PTPRM: variants seen among roughly 807,000 people sequenced by gnomAD.
The protein encoded by PTPRM is protein tyrosine phosphatase receptor type M.
In PTPRM, 47 loss-of-function variants were observed where a neutral mutation model predicts 186.7. The ratio of observed to expected loss-of-function variants is 0.25; its 90% confidence interval spans 0.20 to 0.32. The LOEUF (loss-of-function observed/expected upper bound fraction) is 0.32, where lower values mean the gene tolerates loss of function less well. Among genes scored for constraint, PTPRM ranks in the 10% least tolerant of loss-of-function variants. PTPRM has a pLI of 1.00. For missense variants in PTPRM, 1,494 were observed against 1,865.0 expected, an observed-to-expected ratio of 0.80 and a Z score of 3.66; for synonymous variants, 668 against 674.9, an observed-to-expected ratio of 0.99 and a Z score of 0.16.
intron 2 of PTPRM, among the ~76,000 whole-genome samples, chr18:7,793,465 CTTTCTCTTATGT>C (rs1233533569): frequency 8.6e-5 from 13 of 151,490 alleles, no homozygotes; most frequent in African/African-American, 3.2e-4. Context: ...ATGAGGAGCA[CTTTCTCTTATGT>C]TTTCTCTTAA....
At chr18:7,915,469 A>G (rs1599477799) in intron 4 of PTPRM, among the ~76,000 whole-genome samples, 2 of 135,676 alleles carry the variant, frequency 1.5e-5, no homozygotes, top group East Asian at 2.2e-4. Context: ...ACAGCTCAGC[A>G]TGGGATCTAC....
chr18:8,159,327 T>C (rs1009049969), intron 14 of PTPRM, among the ~76,000 whole-genome samples: 5 of 152,322 alleles, frequency 3.3e-5, no homozygotes, highest in South Asian at 2.1e-4. Flanking sequence ...TGGAAGATGT[T>C]CTTATCATTG....
chr18:7,813,036 G>A (rs1295298356), intron 2 of PTPRM, among the ~76,000 whole-genome samples: 1 of 152,246 alleles, frequency 6.6e-6, no homozygotes, highest in African/African-American at 2.4e-5. Context: ...ACATCATGCT[G>A]ACGAATTACC....
intron 1 of PTPRM, among the ~76,000 whole-genome samples, chr18:7,646,645 C>G (rs2038571203): frequency 1.3e-5 from 2 of 152,152 alleles, no homozygotes; most frequent in Non-Finnish European, 2.9e-5. Context: ...TGCTCCAGAG[C>G]CTTCCTCTGC....
intron 15 of PTPRM, among the ~76,000 whole-genome samples, chr18:8,245,541 A>G (rs1275240574): frequency 6.6e-6 from 1 of 152,062 alleles, no homozygotes; most frequent in Non-Finnish European, 1.5e-5. Flanking sequence ...GGCAGATATA[A>G]TGTTTTTCAT....
chr18:8,141,102 A>G (rs1488093356), intron 13 of PTPRM, among the ~76,000 whole-genome samples: 2 of 152,256 alleles, frequency 1.3e-5, no homozygotes, highest in East Asian at 1.9e-4. Context: ...GAGCCTAAAG[A>G]TGTTCATTTC....
intron 13 of PTPRM, among the ~76,000 whole-genome samples, chr18:8,116,021 T>A (rs1334895184): frequency 6.6e-6 from 1 of 152,250 alleles, no homozygotes; most frequent in Non-Finnish European, 1.5e-5. Context: ...TATATCATAT[T>A]GTACCTAAGT....
chr18:8,332,923 A>G (rs770103549), intron 22 of PTPRM, among the ~76,000 whole-genome samples: 2 of 152,214 alleles, frequency 1.3e-5, no homozygotes, highest in Admixed American at 1.3e-4. Flanking sequence ...ATTCCAGTGG[A>G]CCAGTGAACA....
At chr18:7,657,068 A>C (rs1399338003) in intron 1 of PTPRM, among the ~76,000 whole-genome samples, 1 of 152,200 alleles carries the variant, frequency 6.6e-6, no homozygotes, top group East Asian at 1.9e-4. Flanking sequence ...TAAAATTTGG[A>C]TTCTCAGTTT....
At chr18:7,719,906 A>G in intron 1 of PTPRM, among the ~76,000 whole-genome samples, 1 of 152,246 alleles carries the variant, frequency 6.6e-6, no homozygotes, top group Non-Finnish European at 1.5e-5. Flanking sequence ...ATTAACATAC[A>G]AAAGTCAAAA....
intron 7 of PTPRM, among the ~76,000 whole-genome samples, chr18:8,047,362 T>C (rs1158663621): frequency 6.6e-6 from 1 of 152,202 alleles, no homozygotes; most frequent in Admixed American, 6.5e-5. Context: ...AAACTGTGAT[T>C]CATTTTTATA....
At position 7,568,550 on chromosome 18, in the gene PTPRM, C is replaced by A. The variant is rs1401404960; in HGVS notation, c.73+659C>A. 6.6e-6 allele frequency among the ~76,000 whole-genome samples: 1 copy of A among 152,142 alleles called. No homozygotes were observed. The highest frequency in any genetic ancestry group is 2.4e-5 in the African/African-American group (1 of 41,454). On this transcript the variant is annotated intron_variant, in intron 1 of 32. Coordinates refer to ENST00000580170, the MANE Select transcript of PTPRM (RefSeq NM_001105244.2). This position sits in a 1 kb window ranked among gnomAD's most constrained non-coding sequence, Gnocchi z 5.1. ...CGGCCGCGGAGGGAAGCGGGCAGGT[C>A]CCCAGGCCCTGGCCACGGCCCTGCG...
chr18:7,615,858 G>A (rs563558977), intron 1 of PTPRM, among the ~76,000 whole-genome samples: 2 of 152,156 alleles, frequency 1.3e-5, no homozygotes, highest in South Asian at 2.1e-4. Context: ...GCAACTAGAC[G>A]GTCCCATCTT....
In PTPRM at chr18:8,366,382, A is replaced by G. The variant is rs542740304; in HGVS notation, c.3055-4508A>G. On this transcript the variant is annotated intron_variant, in intron 23 of 32. Coordinates refer to ENST00000580170, the MANE Select transcript of PTPRM (RefSeq NM_001105244.2). The stretch of plus-strand genomic sequence containing the variant: ...GCACATTTTCAGGCCCCACAAAGTC[A>G]GACCTACCGAATTTATTCAGAATCC... Among the ~76,000 whole-genome samples the G allele has an allele frequency of 1.6e-4, 24 of 152,314 alleles. No individual in the cohort carries two copies. The South Asian group carries it at 5.0e-3, about 32-fold the overall frequency.
chr18:8,244,625 G>A lies in PTPRM; in HGVS notation c.2452+416G>A, dbSNP rs991624123. Among the ~76,000 whole-genome samples the A allele has an allele frequency of 7.9e-5, 12 of 152,326 alleles. No homozygotes were observed. The East Asian group carries it at 1.7e-3, about 22-fold the overall frequency. On this transcript the variant is annotated intron_variant, in intron 15 of 32. Coordinates refer to ENST00000580170, the MANE Select transcript of PTPRM (RefSeq NM_001105244.2). Reference sequence around the variant, plus strand: ...AACAAGTTAATTGTTTATTTGTTTAGATGACAGGTTCTGCCTTTATTATAG... The same window carrying A: ...AACAAGTTAATTGTTTATTTGTTTAAATGACAGGTTCTGCCTTTATTATAG...
intron 14 of PTPRM, among the ~76,000 whole-genome samples, chr18:8,210,818 A>C (rs1439035871): frequency 6.6e-6 from 1 of 152,212 alleles, no homozygotes; most frequent in Non-Finnish European, 1.5e-5. Context: ...TTGAGGAGGA[A>C]CTAGCAAAGC....
intron 1 of PTPRM, among the ~76,000 whole-genome samples, chr18:7,707,024 C>A (rs558874115): frequency 1.8e-4 from 27 of 152,018 alleles, no homozygotes; most frequent in African/African-American, 5.1e-4. Flanking sequence ...TTAAGGCAGT[C>A]ATTTTTAGAA....
intron 7 of PTPRM, among the ~76,000 whole-genome samples, chr18:8,022,837 TTAAG>T (rs1331650413): frequency 6.6e-6 from 1 of 152,216 alleles, no homozygotes; most frequent in African/African-American, 2.4e-5. Flanking sequence ...TGGGCAGTGA[TTAAG>T]TGCTATGGAT....
At chr18:8,140,824 G>A (rs534621535) in intron 13 of PTPRM, among the ~76,000 whole-genome samples, 10 of 151,926 alleles carry the variant, frequency 6.6e-5, no homozygotes, top group African/African-American at 2.2e-4. Context: ...AAATTTATAC[G>A]AAAAAAAGGA....
Sources: allele counts gnomAD v4.1 joint callset (sites outside exome capture counted in the v4.1 genomes callset), GRCh38; gene constraint gnomAD v4.1.1; non-coding constraint Gnocchi (gnomAD v3.1); transcripts MANE v1.5; gene names NCBI Gene and HGNC (gene_info 2026-07-23, HGNC 2026-07-21).